Variants in SPPL2A observed in about 807,000 individuals in gnomAD.
The protein encoded by SPPL2A is signal peptide peptidase like 2A, also known as signal peptide peptidase-like 2A.
A neutral mutation model predicts 63.8 loss-of-function variants in SPPL2A; 51 were observed. The ratio of observed to expected loss-of-function variants is 0.80; its 90% CI spans 0.64 to 1.01. SPPL2A has a LOEUF of 1.01. Among genes scored for constraint, SPPL2A ranks in the 50% least tolerant of loss-of-function variants. SPPL2A has a pLI of 0.00. For missense variants in SPPL2A, 553 were observed against 622.7 expected (o/e 0.89, Z 1.19); for synonymous variants, 188 against 205.8 (o/e 0.91, Z 0.74).
At chr15:50,743,415 G>A (rs555781004) in intron 5 of SPPL2A, 7 of 152,058 alleles carry the variant, frequency 4.6e-5, no homozygotes, top group African/African-American at 1.4e-4. Context: ...GCATGATAAC[G>A]GCTCACTGCA....
chr15:50,755,221 G>A (rs1215273854), intron 1 of SPPL2A, among the ~76,000 whole-genome samples: 2 of 151,892 alleles, frequency 1.3e-5, no homozygotes, highest in Non-Finnish European at 2.9e-5. Context: ...GGAAGCCTGA[G>A]GCAGGAGAAT....
chr15:50,739,431 G>A (rs1047748446), intron 6 of SPPL2A, among the ~76,000 whole-genome samples: 2 of 151,754 alleles, frequency 1.3e-5, no homozygotes, highest in Admixed American at 1.3e-4. Flanking sequence ...TGTCCACTTT[G>A]GCCTCCCAAA....
At chr15:50,755,304 C>T (rs1423658660) in intron 1 of SPPL2A, among the ~76,000 whole-genome samples, 2 of 145,014 alleles carry the variant, frequency 1.4e-5, no homozygotes, top group African/African-American at 5.3e-5. Context: ...GGTGACAGAA[C>T]GAGACTCTGT....
Position 50,764,925 on chromosome 15 carries a change from A to C in SPPL2A, c.66+543T>G, listed in dbSNP as rs1025671225. Among the ~76,000 whole-genome samples the C allele has an allele frequency of 4.7e-5, 7 of 149,626 alleles. No individual in the cohort carries two copies. In the South Asian group the frequency reaches 8.5e-4, roughly 18 times the overall value. On this transcript the variant is annotated intron_variant, in intron 1 of 14. Transcript: ENST00000261854. ...AAAACCCCCCCTCCAAAAAAAAAAA[A>C]CCCTCATAACAGAATCAAATGAGCC...
intron 5 of SPPL2A, among the ~76,000 whole-genome samples, chr15:50,741,931 G>A (rs1044921767): frequency 9.3e-5 from 14 of 150,796 alleles, no homozygotes; most frequent in African/African-American, 2.2e-4. Context: ...GCATGCCACC[G>A]CACTCCAGCC....
chr15:50,726,673 A>T (rs920286158), intron 10 of SPPL2A, among the ~76,000 whole-genome samples: 4 of 152,262 alleles, frequency 2.6e-5, no homozygotes, highest in African/African-American at 9.6e-5. Context: ...TGACATATTC[A>T]TATCTGACAT....
intron 1 of SPPL2A, among the ~76,000 whole-genome samples, chr15:50,753,338 C>T (rs1166323510): frequency 6.6e-6 from 1 of 152,128 alleles, no homozygotes; most frequent in African/African-American, 2.4e-5. Context: ...TGTGAGGGAG[C>T]CAGCATGCCC....
intron 7 of SPPL2A, 63 bp from the exon 8 acceptor site, chr15:50,736,265 A>C: frequency 1.0e-6 from 1 of 966,366 alleles, no homozygotes. Context: ...TGATATAAGA[A>C]GTAGCAAATA....
chr15:50,712,443 GC>G (rs2062566114), intron 14 of SPPL2A, among the ~76,000 whole-genome samples: 1 of 152,050 alleles, frequency 6.6e-6, no homozygotes, highest in African/African-American at 2.4e-5. Flanking sequence ...TACACTGTTA[GC>G]CTAAGAGATG....
chr15:50,741,023 C>G (rs558788454), intron 5 of SPPL2A, among the ~76,000 whole-genome samples: 1 of 152,284 alleles, frequency 6.6e-6, no homozygotes, highest in Admixed American at 6.5e-5. Flanking sequence ...CAAGGCATAA[C>G]TTTGTCCTAC....
intron 6 of SPPL2A, among the ~76,000 whole-genome samples, chr15:50,738,711 T>C (rs2062794390): frequency 6.6e-6 from 1 of 152,158 alleles, no homozygotes; most frequent in South Asian, 2.1e-4. Context: ...CTGGTCTCCC[T>C]TCTCTTTGTG....
At chr15:50,718,462 C>T (rs2062617329) in intron 14 of SPPL2A, among the ~76,000 whole-genome samples, 1 of 152,082 alleles carries the variant, frequency 6.6e-6, no homozygotes, top group African/African-American at 2.4e-5. Context: ...ATGTTATTAG[C>T]ATAGTGTATA....
chr15:50,749,335 T>A (rs2062886476), intron 2 of SPPL2A, among the ~76,000 whole-genome samples: 1 of 152,158 alleles, frequency 6.6e-6, no homozygotes, highest in Non-Finnish European at 1.5e-5. Flanking sequence ...TTGCCCAGGC[T>A]GGAGTGCAGT....
intron 1 of SPPL2A, 135 bp downstream of exon 1, chr15:50,765,333 A>C (rs1391772260): frequency 3.6e-6 from 2 of 551,944 alleles, no homozygotes; most frequent in African/African-American, 4.0e-5. Context: ...GAGGGGAGGA[A>C]AGAGGAGTGC....
chr15:50,738,969 C>T (rs1223234656), intron 6 of SPPL2A, among the ~76,000 whole-genome samples: 1 of 151,952 alleles, frequency 6.6e-6, no homozygotes, highest in Non-Finnish European at 1.5e-5. Context: ...ATAAACTACA[C>T]TTGGGAGTAA....
intron 10 of SPPL2A, among the ~76,000 whole-genome samples, chr15:50,728,775 T>C (rs1393172157): frequency 1.3e-5 from 2 of 151,572 alleles, no homozygotes; most frequent in Non-Finnish European, 2.9e-5. Context: ...CCCGAGTAGC[T>C]GGGACTACAG....
At chr15:50,730,880 T>C in intron 10 of SPPL2A, 85 bp downstream of exon 10, 1 of 656,566 alleles carries the variant, frequency 1.5e-6, no homozygotes, top group East Asian at 2.9e-5. Flanking sequence ...GTGGTAAACA[T>C]CTGCAAAATT....
chr15:50,703,356 A>ATATT lies in SPPL2A; in HGVS notation c.*4443_*4444insAATA, dbSNP rs1196710672. On this transcript the variant is annotated 3_prime_UTR_variant, in exon 15 of 15. Coordinates refer to ENST00000261854, the MANE Select transcript of SPPL2A (RefSeq NM_032802.4). ...TATATATATATATATACATATATAT[A>ATATT]TTTTTTTTTTTTTTTTTTTTTTTTG... The ATATT allele has an allele frequency of 9.7e-5, 6 of 62,042 alleles. No homozygotes were observed. Among genetic ancestry groups the ATATT allele is most frequent in the African/African-American group, 1.4e-4 (2 of 14,242 alleles). The allele number at this position is 62,042 out of a possible 1,614,324, so 3.8% of individuals were successfully genotyped here. A position where few individuals can be genotyped will look rare whatever the true frequency, so the allele number is the denominator to read the frequency against.
chr15:50,734,629 C>T (rs1242263706), intron 8 of SPPL2A, among the ~76,000 whole-genome samples: 1 of 151,942 alleles, frequency 6.6e-6, no homozygotes, highest in Non-Finnish European at 1.5e-5. Context: ...TAAGGTGATA[C>T]AGTTAATAAC....
Sources: allele counts gnomAD v4.1 joint callset (sites outside exome capture counted in the v4.1 genomes callset), GRCh38; gene constraint gnomAD v4.1.1; transcripts MANE v1.5; gene names NCBI Gene and HGNC (gene_info 2026-07-23, HGNC 2026-07-21).